The following LONP2 variants were observed in gnomAD, a reference collection of about 807,000 sequenced individuals.
LONP2 encodes the protein lon peptidase 2, peroxisomal.
Under a neutral mutation model 85.6 loss-of-function variants are expected in LONP2, and 60 were observed. That is an observed-to-expected ratio of 0.70 (90% confidence interval 0.57 to 0.87). The LOEUF is 0.87. LONP2 is among the 40% of genes least tolerant of loss of function. The pLI is 0.00. For missense variants in LONP2, 860 were observed against 1,063.5 expected, an observed-to-expected ratio of 0.81 and a Z score of 2.66; for synonymous variants, 395 against 389.7, an observed-to-expected ratio of 1.01 and a Z score of -0.16.
intron 11 of LONP2, among the ~76,000 whole-genome samples, chr16:48,318,387 C>G (rs964005616): frequency 6.6e-6 from 1 of 151,980 alleles, no homozygotes; most frequent in African/African-American, 2.4e-5. Flanking sequence ...GGCGTGGTGG[C>G]ACACACCTGT....
At chr16:48,302,220 CCT>C (rs1972821590) in intron 10 of LONP2, among the ~76,000 whole-genome samples, 1 of 152,084 alleles carries the variant, frequency 6.6e-6, no homozygotes, top group Non-Finnish European at 1.5e-5. Flanking sequence ...AAGATGCCTC[CCT>C]GTTTTCTCCC....
rs941290372 is a variant in LONP2, at chr16:48,353,993, T to C, written c.*2191T>C. On this transcript the variant is annotated 3_prime_UTR_variant, in exon 15 of 15. Transcript: ENST00000285737. The stretch of plus-strand genomic sequence containing the variant: ...CATTGCACTAGCTTTGTTTTTGGTT[T>C]GTTTTGTTTTTTTTTTAATTCCAGG... 1 of 149,258 alleles carries C rather than the reference T, an allele frequency of 6.7e-6. No homozygotes were observed. The highest frequency in any genetic ancestry group is 1.5e-5 in the Non-Finnish European group (1 of 67,764). The allele number at this position is 149,258 out of a possible 1,614,324, so 9.2% of individuals were successfully genotyped here.
chr16:48,348,220 T>C lies in LONP2; in HGVS notation c.2267T>C (p.Phe756Ser), dbSNP rs765933772. The stretch of plus-strand genomic sequence containing the variant: ...ATAGTAACCTGTCTCGCCTCACTTT[T>C]TAGTGGGCGGCTGGTACGTTCAGAT... Reference protein sequence around the residue: ...VTIVTCLASLFSGRLVRSDVA... With the variant: ...VTIVTCLASLSSGRLVRSDVA... Residue 756 changes from phenylalanine (F) to serine (S), a missense_variant, in exon 14 of 15, where the codon TTT becomes TCT. Coordinates refer to ENST00000285737, the MANE Select transcript of LONP2 (RefSeq NM_031490.5). 2.5e-6 allele frequency: 4 copies of C among 1,612,186 alleles called. No individual in the cohort carries two copies. The African/African-American group carries it at 5.3e-5, about 22-fold the overall frequency.
At chr16:48,294,965 G>A (rs1468918212) in intron 8 of LONP2, among the ~76,000 whole-genome samples, 1 of 152,198 alleles carries the variant, frequency 6.6e-6, no homozygotes, top group Non-Finnish European at 1.5e-5. Flanking sequence ...TGTAGAAGCT[G>A]TTGGTGCCTT....
chr16:48,349,857 C>T, intron 14 of LONP2, among the ~76,000 whole-genome samples: 1 of 152,134 alleles, frequency 6.6e-6, no homozygotes, highest in Non-Finnish European at 1.5e-5. Context: ...TCGAAAGGAC[C>T]ATTACTAACC....
At chr16:48,345,587 T>C (rs1341860821) in intron 12 of LONP2, 1 of 152,220 alleles carries the variant, frequency 6.6e-6, no homozygotes, top group African/African-American at 2.4e-5. Flanking sequence ...GTTTGTGTCT[T>C]TCGCCTCAAG....
chr16:48,274,646 ACACACACC>A (rs1224063391), intron 7 of LONP2, among the ~76,000 whole-genome samples: 1 of 151,848 alleles, frequency 6.6e-6, no homozygotes, highest in African/African-American at 2.4e-5. Context: ...TGAGATACAC[ACACACACC>A]CACACACCCA....
chr16:48,333,813 T>G (rs1028309532), intron 11 of LONP2, among the ~76,000 whole-genome samples: 31 of 152,138 alleles, frequency 2.0e-4, no homozygotes, highest in Non-Finnish European at 4.3e-4. Flanking sequence ...GATCAGAGAA[T>G]CCAAAGTAAC....
Position 48,270,011 on chromosome 16 carries a change from G to T in LONP2, c.983-5G>T. ...TCTAATTATTTCTGTTGGGTTATTT[G>T]ACAGACCGCCTGGACATTAGGGCAG... is the stretch of plus-strand genomic sequence containing the variant. On this transcript the variant is annotated splice_region_variant and splice_polypyrimidine_tract_variant and intron_variant, in intron 6 of 14. Coordinates refer to ENST00000285737, the MANE Select transcript of LONP2 (RefSeq NM_031490.5). 2 of 1,609,392 alleles carry T rather than the reference G, an allele frequency of 1.2e-6. No homozygotes were observed. Among genetic ancestry groups the T allele is most frequent in the South Asian group, 1.1e-5 (1 of 90,416 alleles).
intron 7 of LONP2, among the ~76,000 whole-genome samples, chr16:48,276,044 C>T (rs1345752920): frequency 6.6e-6 from 1 of 152,142 alleles, no homozygotes; most frequent in Non-Finnish European, 1.5e-5. Context: ...ATTCCCTTCC[C>T]TACCACTCTT....
At chr16:48,299,080 CAG>C in intron 9 of LONP2, among the ~76,000 whole-genome samples, 1 of 151,388 alleles carries the variant, frequency 6.6e-6, no homozygotes, top group South Asian at 2.1e-4. Context: ...TTAGTAGAGA[CAG>C]GGTTTCGCCA....
rs1165000295 is a variant in LONP2 at position 48,352,854 on chromosome 16, G to A, written c.*1052G>A. ...AGCCATCCATCTGGGATGGTCCTAA[G>A]CATGGAATCCTAACTCCTGATTCCG... On this transcript the variant is annotated 3_prime_UTR_variant, in exon 15 of 15. Transcript: ENST00000285737. The A allele has an allele frequency of 1.3e-5, 2 of 152,214 alleles. No homozygotes were observed. The highest frequency in any genetic ancestry group is 2.4e-5 in the African/African-American group (1 of 41,454). The allele number at this position is 152,214 out of a possible 1,614,324, so 9.4% of individuals were successfully genotyped here.
intron 11 of LONP2, among the ~76,000 whole-genome samples, chr16:48,323,387 G>A (rs2151017059): frequency 6.6e-6 from 1 of 152,266 alleles, no homozygotes; most frequent in South Asian, 2.1e-4. Flanking sequence ...AGGTCCGTTG[G>A]CTCATGCCTG....
At chr16:48,342,635 G>C (rs946443024) in intron 12 of LONP2, among the ~76,000 whole-genome samples, 1 of 152,158 alleles carries the variant, frequency 6.6e-6, no homozygotes, top group Non-Finnish European at 1.5e-5. Flanking sequence ...TGACAGTGGT[G>C]GACCCCAACA....
chr16:48,261,362 C>G lies in LONP2; in HGVS notation c.724-62C>G, dbSNP rs1971869403. 7 of 1,246,438 alleles carry G rather than the reference C, an allele frequency of 5.6e-6. 1 individual carries two copies. The South Asian group carries it at 9.5e-5, about 17-fold the overall frequency. 77.2% of individuals were successfully genotyped at this position (1,246,438 alleles called of 1,614,324 possible). On this transcript the variant is annotated intron_variant, in intron 4 of 14. Transcript: ENST00000285737. ...GCACCAGTCATAATCTTATGTGTAC[C>G]TGGGTACTTCGTTTCCAATTTATTT...
intron 11 of LONP2, among the ~76,000 whole-genome samples, chr16:48,331,688 C>T (rs1420356569): frequency 6.6e-6 from 1 of 152,054 alleles, no homozygotes; most frequent in Non-Finnish European, 1.5e-5. Context: ...CCTCAGCCTC[C>T]CGAGTAGCTG....
In LONP2 at chr16:48,327,648, G is replaced by A. The variant is rs142155040; in HGVS notation, c.1796-6568G>A. ...AATTTTTGTGTTTTCATTAGAGATG[G>A]GGTTTCACCATGTTGGCCAGGCTGG... On this transcript the variant is annotated intron_variant, in intron 11 of 14. Transcript: ENST00000285737. 1.6e-3 allele frequency among the ~76,000 whole-genome samples: 244 copies of A among 152,126 alleles called. 1 individual carries two copies. The highest frequency in any genetic ancestry group is 5.4e-3 in the African/African-American group (226 of 41,488).
At chr16:48,258,470 T>A in intron 3 of LONP2, 148 bp from the exon 4 acceptor site, 1 of 567,316 alleles carries the variant, frequency 1.8e-6, no homozygotes, top group Admixed American at 3.9e-5. Flanking sequence ...ATTAATATAG[T>A]TCATTTGGTT....
chr16:48,258,918 C>G (rs1316314803), intron 4 of LONP2, among the ~76,000 whole-genome samples, 178 bp downstream of exon 4: 1 of 152,020 alleles, frequency 6.6e-6, no homozygotes, highest in East Asian at 1.9e-4. Flanking sequence ...GCATTTTTCT[C>G]ACTTTGTTTT....
Sources: allele counts gnomAD v4.1 joint callset (sites outside exome capture counted in the v4.1 genomes callset), GRCh38; gene constraint gnomAD v4.1.1; transcripts MANE v1.5; gene names NCBI Gene and HGNC (gene_info 2026-07-23, HGNC 2026-07-21).